Variants in FHIT observed in about 807,000 individuals in gnomAD.
The protein encoded by FHIT is bis(5'-adenosyl)-triphosphatase.
FHIT carries 19 observed loss-of-function variants against 17.9 expected under a neutral mutation model. The observed-to-expected ratio is 1.06, with a 90% CI of 0.74 to 1.56. FHIT has a LOEUF of 1.56. FHIT is among the 40% of genes most tolerant of loss of function. The probability of loss-of-function intolerance (pLI) is 0.00; values close to 1 mark genes in which losing one functional copy is unlikely to be tolerated. For synonymous variants in FHIT, 81 were observed against 69.7 expected (o/e 1.16, Z -0.81); for missense variants, 248 against 189.2 (o/e 1.31, Z -1.82).
chr3:59,853,957 A>G (rs1702046427), intron 8 of FHIT, among the ~76,000 whole-genome samples: 1 of 152,188 alleles, frequency 6.6e-6, no homozygotes, highest in Non-Finnish European at 1.5e-5. Flanking sequence ...AATCCCACCA[A>G]TAGATAAAGT....
At chr3:61,204,569 A>G (rs2039144884) in intron 1 of FHIT, among the ~76,000 whole-genome samples, 2 of 152,198 alleles carry the variant, frequency 1.3e-5, no homozygotes, top group Admixed American at 6.5e-5. Context: ...AAAAAAGAAA[A>G]TATTTTAACT....
In FHIT at chr3:60,842,645, A is replaced by AT. The variant is rs1170383044; in HGVS notation, c.-110-20635dup. ...TATATGAGTGTATATATATATATAT[A>AT]TTTTTTTTTTTTTTTTTTTCCCTTG... On this transcript the variant is annotated intron_variant, in intron 3 of 9. Transcript: ENST00000492590. 7.1e-3 allele frequency among the ~76,000 whole-genome samples: 674 copies of AT among 94,592 alleles called. 14 individuals carry two copies. The highest frequency in any genetic ancestry group is 0.011 in the Non-Finnish European group (504 of 46,154). The allele number at this position is 94,592 out of a possible 152,430, so 62.1% of individuals were successfully genotyped here.
chr3:59,942,212 C>A (rs1016109460), intron 7 of FHIT, among the ~76,000 whole-genome samples: 2 of 152,198 alleles, frequency 1.3e-5, no homozygotes, highest in Non-Finnish European at 2.9e-5. Flanking sequence ...TGGACTGCAG[C>A]CCCTGGCTGT....
chr3:60,001,913 G>A (rs1252663762), intron 7 of FHIT, among the ~76,000 whole-genome samples: 2 of 152,124 alleles, frequency 1.3e-5, no homozygotes, highest in Non-Finnish European at 2.9e-5. Flanking sequence ...AGCCCCTGGT[G>A]AGCTGTTTGT....
At chr3:60,315,716 T>C (rs924326490) in intron 5 of FHIT, among the ~76,000 whole-genome samples, 8 of 152,220 alleles carry the variant, frequency 5.3e-5, no homozygotes, top group African/African-American at 1.9e-4. Context: ...ATTTGGTTGC[T>C]TCCAGTTTGG....
At chr3:61,053,939 T>A (rs114709246) in intron 2 of FHIT, among the ~76,000 whole-genome samples, 9 of 152,244 alleles carry the variant, frequency 5.9e-5, no homozygotes, top group African/African-American at 2.2e-4. Context: ...GCATAATGGC[T>A]GGGTAATGAA....
At chr3:59,771,804 G>A (rs1702086313) in intron 8 of FHIT, among the ~76,000 whole-genome samples, 2 of 152,174 alleles carry the variant, frequency 1.3e-5, no homozygotes, top group African/African-American at 2.4e-5. Flanking sequence ...TCTAAAACGG[G>A]AGTGCTTATC....
At chr3:60,220,345 G>A (rs1340161833) in intron 5 of FHIT, among the ~76,000 whole-genome samples, 1 of 151,944 alleles carries the variant, frequency 6.6e-6, no homozygotes, top group East Asian at 1.9e-4. Context: ...AGGCCTGCCT[G>A]TCCCCACCTA....
chr3:59,786,452 T>C (rs1699301326), intron 8 of FHIT, among the ~76,000 whole-genome samples: 1 of 152,336 alleles, frequency 6.6e-6, no homozygotes, highest in South Asian at 2.1e-4. Context: ...AATTCCTTTT[T>C]CCTACTGACA....
At chr3:60,798,228 TA>T (rs797042231) in intron 4 of FHIT, among the ~76,000 whole-genome samples, 3 of 151,376 alleles carry the variant, frequency 2.0e-5, no homozygotes, top group Admixed American at 1.3e-4. Context: ...AAAAGTATCT[TA>T]AAAAAAAACC....
chr3:59,936,134 T>C (rs192395370), intron 7 of FHIT, among the ~76,000 whole-genome samples: 145 of 152,194 alleles, frequency 9.5e-4, no homozygotes, highest in African/African-American at 3.4e-3. Context: ...TGTTCTTCAG[T>C]ATTAACTTCA....
chr3:60,238,447 CAAAA>C (rs374701930), intron 5 of FHIT, among the ~76,000 whole-genome samples: 2 of 117,544 alleles, frequency 1.7e-5, no homozygotes, highest in African/African-American at 3.3e-5. Flanking sequence ...CTGTACTAAG[CAAAA>C]AAAAAAAAAA....
intron 1 of FHIT, among the ~76,000 whole-genome samples, chr3:61,239,760 GCCATATATAT>G (rs2040322123): frequency 3.1e-5 from 1 of 32,320 alleles, no homozygotes; most frequent in Admixed American, 2.2e-4. Context: ...AAAACAACTG[GCCATATATAT>G]ATATATATAT....
intron 5 of FHIT, among the ~76,000 whole-genome samples, chr3:60,482,301 T>A (rs1421316391): frequency 6.6e-6 from 1 of 152,078 alleles, no homozygotes; most frequent in Non-Finnish European, 1.5e-5. Flanking sequence ...GGACATAAAC[T>A]CAGCTCTGGA....
At chr3:60,501,994 C>A (rs1186880716) in intron 5 of FHIT, among the ~76,000 whole-genome samples, 1 of 152,150 alleles carries the variant, frequency 6.6e-6, no homozygotes, top group African/African-American at 2.4e-5. Flanking sequence ...TGACCCATGA[C>A]TGAGAGACCG....
At chr3:60,693,065 CTA>C (rs2041029518) in intron 4 of FHIT, among the ~76,000 whole-genome samples, 1 of 152,190 alleles carries the variant, frequency 6.6e-6, no homozygotes, top group African/African-American at 2.4e-5. Context: ...ACTAGCTTGA[CTA>C]TAAAAACAAA....
intron 3 of FHIT, among the ~76,000 whole-genome samples, chr3:60,879,568 T>G (rs1195985868): frequency 3.3e-5 from 5 of 152,026 alleles, no homozygotes; most frequent in Admixed American, 2.6e-4. Context: ...TAACAAACCC[T>G]AATGACAAGA....
chr3:61,191,221 G>T (rs563802243), intron 2 of FHIT, among the ~76,000 whole-genome samples: 4 of 152,156 alleles, frequency 2.6e-5, no homozygotes, highest in African/African-American at 9.7e-5. Flanking sequence ...GTCTGTGAGG[G>T]TGTTTCTGGG....
chr3:60,005,170 C>T (rs1456633471), intron 7 of FHIT, among the ~76,000 whole-genome samples: 1 of 152,152 alleles, frequency 6.6e-6, no homozygotes, highest in South Asian at 2.1e-4. Flanking sequence ...TCTCTTTCAC[C>T]TTAGCTGCCT....
Sources: gnomAD v4.1 joint callset for allele counts (sites outside exome capture counted in the v4.1 genomes callset) on GRCh38, gnomAD v4.1.1 for gene constraint, MANE v1.5 for transcripts, NCBI Gene and HGNC (gene_info 2026-07-23, HGNC 2026-07-21) for gene names.